Variants in GREB1 observed in about 807,000 individuals in gnomAD.
GREB1 encodes the protein protein GREB1.
In GREB1, 106 loss-of-function variants were observed where a neutral mutation model predicts 200.7. The observed-to-expected ratio is 0.53, with a 90% confidence interval of 0.45 to 0.62. The LOEUF is 0.62. Ranked by LOEUF, GREB1 falls within the 20% of genes least tolerant of loss-of-function variation. The pLI, the probability that GREB1 is intolerant of heterozygous loss-of-function variation, is 0.00. For synonymous variants in GREB1, 1,132 were observed against 1,092.4 expected, an observed-to-expected ratio of 1.04 and a Z score of -0.72; for missense variants, 2,243 against 2,556.8, an observed-to-expected ratio of 0.88 and a Z score of 2.65.
intron 2 of GREB1, among the ~76,000 whole-genome samples, chr2:11,559,010 A>C (rs1372956521): frequency 6.6e-6 from 1 of 152,206 alleles, no homozygotes; most frequent in African/African-American, 2.4e-5. Flanking sequence ...GACACTGTCC[A>C]GCATTTTGGG....
chr2:11,565,813 T>C (rs1310728507), intron 3 of GREB1, among the ~76,000 whole-genome samples: 1 of 152,148 alleles, frequency 6.6e-6, no homozygotes, highest in Non-Finnish European at 1.5e-5. Flanking sequence ...TTTTTCATGA[T>C]GGCCTCTTTC....
At chr2:11,549,218 A>G (rs570723878) in intron 1 of GREB1, among the ~76,000 whole-genome samples, 1 of 152,178 alleles carries the variant, frequency 6.6e-6, no homozygotes, top group Admixed American at 6.5e-5. Context: ...TCTGGGCCTC[A>G]TGGATTGATC....
chr2:11,499,450 C>T, intron 1 of GREB1, among the ~76,000 whole-genome samples: 1 of 152,270 alleles, frequency 6.6e-6, no homozygotes, highest in Non-Finnish European at 1.5e-5. Context: ...TTTGCCCTGA[C>T]TGTGTAAGGG....
In GREB1 at chr2:11,618,736, C is replaced by G. The variant is rs746823655; in HGVS notation, c.3861C>G (p.Pro1287=). ...LPKAASLLPS[P]SVMWASSFRP... is the part of the protein sequence containing the mutation. ...AGGCCGCCTCCCTCCTGCCCTCCCC[C>G]TCGGTCATGTGGGCCAGCTCTTTCC... is the stretch of plus-strand genomic sequence containing the variant. Residue 1287 remains proline, a synonymous_variant, in exon 22 of 33, where the codon CCC becomes CCG. Coordinates refer to ENST00000381486, the MANE Select transcript of GREB1 (RefSeq NM_014668.4). 3.1e-6 allele frequency: 5 copies of G among 1,613,526 alleles called. No homozygotes were observed. Among genetic ancestry groups the G allele is most frequent in the Admixed American group, 1.7e-5 (1 of 60,010 alleles).
At chr2:11,559,213 G>A (rs1306321923) in intron 2 of GREB1, among the ~76,000 whole-genome samples, 1 of 152,160 alleles carries the variant, frequency 6.6e-6, no homozygotes, top group Non-Finnish European at 1.5e-5. Flanking sequence ...AGGATTCTAA[G>A]CTCCCAATCC....
At chr2:11,552,505 G>C (rs1386172091) in intron 1 of GREB1, among the ~76,000 whole-genome samples, 1 of 152,198 alleles carries the variant, frequency 6.6e-6, no homozygotes, top group Non-Finnish European at 1.5e-5. Context: ...GCTCTTCCCT[G>C]TCTGGGTCTT....
At chr2:11,499,017 C>G (rs1672959352) in intron 1 of GREB1, among the ~76,000 whole-genome samples, 1 of 152,112 alleles carries the variant, frequency 6.6e-6, no homozygotes, top group African/African-American at 2.4e-5. Flanking sequence ...AAACATGTTC[C>G]TGGTGGTGGG....
At chr2:11,625,692 C>T (rs1477534579) in intron 24 of GREB1, among the ~76,000 whole-genome samples, 1 of 152,154 alleles carries the variant, frequency 6.6e-6, no homozygotes, top group East Asian at 1.9e-4. Context: ...CTCAGGGATC[C>T]CCAACATCCA....
intron 1 of GREB1, among the ~76,000 whole-genome samples, chr2:11,511,625 C>T (rs1181021736): frequency 6.6e-6 from 1 of 152,098 alleles, no homozygotes; most frequent in African/African-American, 2.4e-5. Context: ...AGGGCGTCTG[C>T]GCAGGAGAGC....
At chr2:11,485,848 G>C (rs114773200) in intron 1 of GREB1, among the ~76,000 whole-genome samples, 148 of 152,338 alleles carry the variant, frequency 9.7e-4, no homozygotes, top group African/African-American at 3.4e-3. Flanking sequence ...AGAGTGTTCT[G>C]AGGCTATTTC....
chr2:11,636,780 GGGCACGGGCATGGGCAGGGGCAGA>G (rs1685361188), intron 30 of GREB1, among the ~76,000 whole-genome samples: 1 of 137,616 alleles, frequency 7.3e-6, no homozygotes, highest in African/African-American at 2.6e-5. Context: ...GCAGGGGCAG[GGGCACGGGCATGGGCAGGGGCAGA>G]GGCAGGGACA....
chr2:11,634,680 C>T lies in GREB1; in HGVS notation c.5210+331C>T, dbSNP rs78829492. On this transcript the variant is annotated intron_variant, in intron 29 of 32. Coordinates refer to ENST00000381486, the MANE Select transcript of GREB1 (RefSeq NM_014668.4). ...CCGTAGGTTTCTGTACATATCTAGT[C>T]GCAGAAGTGCTCACATCTCCAGAGG... is the stretch of plus-strand genomic sequence containing the variant. Among the ~76,000 whole-genome samples the T allele has an allele frequency of 1.1e-3, 164 of 152,256 alleles. 1 individual carries two copies. Among genetic ancestry groups the T allele is most frequent in the African/African-American group, 3.8e-3 (158 of 41,542 alleles).
chr2:11,610,834 C>G lies in GREB1; in HGVS notation c.2813C>G (p.Ser938Cys), dbSNP rs200350301. 1.8e-4 allele frequency: 298 copies of G among 1,613,440 alleles called. No homozygotes were observed. The African/African-American group carries it at 3.6e-3, about 19-fold the overall frequency. The change falls in exon 18 of 33, where the codon TCC becomes TGC. Residue 938 changes from serine to cysteine, a missense_variant. This residue lies in a region of GREB1 where 1,178 missense variants were observed against 1,387.4 expected (regional missense o/e 0.85). Transcript: ENST00000381486. ...GAGATCACGCAGAACCTCCTCAACT[C>G]CCCGAAGCAGTGCCCCTGCGGCCAC... is the stretch of plus-strand genomic sequence containing the variant. Reference protein sequence around the residue: ...TLEITQNLLNSPKQCPCGHGL... With the variant: ...TLEITQNLLNCPKQCPCGHGL...
At chr2:11,502,544 A>T (rs1249377666) in intron 1 of GREB1, among the ~76,000 whole-genome samples, 1 of 152,010 alleles carries the variant, frequency 6.6e-6, no homozygotes, top group Non-Finnish European at 1.5e-5. Flanking sequence ...CAGTTTACAG[A>T]ACTAGTGCAA....
chr2:11,568,199 C>G (rs762247906), intron 4 of GREB1, among the ~76,000 whole-genome samples: 85 of 152,222 alleles, frequency 5.6e-4, no homozygotes, highest in Admixed American at 3.5e-3. Flanking sequence ...GCGCTTGATA[C>G]AGTTCCAAAA....
intron 1 of GREB1, among the ~76,000 whole-genome samples, chr2:11,534,514 T>C (rs1055621865): frequency 6.6e-6 from 1 of 152,218 alleles, no homozygotes; most frequent in African/African-American, 2.4e-5. Context: ...GCTGACCCTG[T>C]GTGCTGAAGT....
At chr2:11,589,783 G>T (rs763278827) in intron 10 of GREB1, among the ~76,000 whole-genome samples, 6 of 152,286 alleles carry the variant, frequency 3.9e-5, no homozygotes, top group African/African-American at 1.4e-4. Flanking sequence ...AGGTAAGGCC[G>T]GCTGGAAATG....
At chr2:11,565,659 T>A (rs979826537) in intron 3 of GREB1, among the ~76,000 whole-genome samples, 3 of 152,190 alleles carry the variant, frequency 2.0e-5, no homozygotes, top group Admixed American at 6.5e-5. Flanking sequence ...GAAATGTATT[T>A]ACAAGCTCCA....
At chr2:11,508,747 T>C (rs999502933) in intron 1 of GREB1, among the ~76,000 whole-genome samples, 2 of 152,212 alleles carry the variant, frequency 1.3e-5, no homozygotes, top group Non-Finnish European at 2.9e-5. Context: ...CCACAGCATT[T>C]CAAATCATTG....
Sources: gnomAD v4.1 joint callset for allele counts (sites outside exome capture counted in the v4.1 genomes callset) on GRCh38, gnomAD v4.1.1 for gene constraint, gnomAD v4.1.1 regional missense constraint, MANE v1.5 for transcripts, NCBI Gene and HGNC (gene_info 2026-07-23, HGNC 2026-07-21) for gene names.